CAT: variants seen among roughly 807,000 people sequenced by gnomAD.
The protein encoded by CAT is epididymis secretory sperm binding protein.
Under a neutral mutation model 59.0 loss-of-function variants are expected in CAT, and 43 were observed. That is an observed-to-expected ratio of 0.73 (90% CI 0.57 to 0.94). The LOEUF (loss-of-function observed/expected upper bound fraction) is 0.94, where lower values mean the gene tolerates loss of function less well. Ranked by LOEUF, CAT falls within the 40% of genes least tolerant of loss-of-function variation. CAT has a pLI of 0.00. For missense variants in CAT, 664 were observed against 682.9 expected (o/e 0.97, Z 0.31); for synonymous variants, 218 against 230.9 (o/e 0.94, Z 0.51).
chr11:34,471,090 G>C, intron 12 of CAT, 49 bp downstream of exon 12: 1 of 1,483,390 alleles, frequency 6.7e-7, no homozygotes, highest in Non-Finnish European at 9.4e-7. Flanking sequence ...TGCTGGGTTG[G>C]AGTAGGCATG....
chr11:34,447,002 C>G (rs895850543), intron 1 of CAT, among the ~76,000 whole-genome samples: 1 of 152,198 alleles, frequency 6.6e-6, no homozygotes, highest in African/African-American at 2.4e-5. Flanking sequence ...CTGCAGCCTC[C>G]CGAAGTGTTG....
rs1269907137 is a variant in CAT, at chr11:34,452,145, G to T, written c.418G>T (p.Asp140Tyr). The stretch of plus-strand genomic sequence containing the variant: ...GTTTGCAGTGAAATTTTACACAGAA[G>T]ATGGTAACTGGGATCTCGTTGGAAA... ...RGFAVKFYTE[D>Y]GNWDLVGNNT... Residue 140 changes from aspartate to tyrosine, a missense_variant, in exon 4 of 13, where the codon GAT becomes TAT. By Grantham distance (160) the Asp-to-Tyr change is radical. Transcript: ENST00000241052. The T allele has an allele frequency of 3.1e-6, 5 of 1,613,736 alleles. No individual in the cohort carries two copies. The highest frequency in any genetic ancestry group is 4.2e-6 in the Non-Finnish European group (5 of 1,179,690).
At chr11:34,450,638 T>C (rs1856513299) in intron 2 of CAT, among the ~76,000 whole-genome samples, 2 of 152,228 alleles carry the variant, frequency 1.3e-5, no homozygotes, top group African/African-American at 2.4e-5. Context: ...TCTTATGTTT[T>C]CATCTCCTCT....
In CAT at chr11:34,439,027, G is replaced by T; in HGVS notation, c.14G>T (p.Arg5Leu). ...AAACCGCACGCTATGGCTGACAGCC[G>T]GGATCCCGCCAGCGACCAGATGCAG... MADS[R>L]DPASDQMQHW... Residue 5 changes from arginine to leucine, a missense_variant, in exon 1 of 13, where the codon CGG becomes CTG. Physicochemically the swap from Arg to Leu is moderately radical, Grantham distance 102. Transcript: ENST00000241052. The T allele has an allele frequency of 6.3e-7, 1 of 1,595,956 alleles. No homozygotes were observed. Among genetic ancestry groups the T allele is most frequent in the East Asian group, 2.3e-5 (1 of 43,758 alleles).
chr11:34,455,450 C>T (rs760325148), intron 6 of CAT, among the ~76,000 whole-genome samples: 5 of 151,696 alleles, frequency 3.3e-5, no homozygotes, highest in Non-Finnish European at 5.9e-5. Flanking sequence ...TTAATTTTGC[C>T]TGCTCATAGT....
At chr11:34,449,848 T>C (rs1389883603) in intron 2 of CAT, among the ~76,000 whole-genome samples, 1 of 152,186 alleles carries the variant, frequency 6.6e-6, no homozygotes. Flanking sequence ...ATTAGTAAAA[T>C]AAGATAGTTA....
chr11:34,464,302 C>A, intron 10 of CAT, 67 bp downstream of exon 10: 1 of 1,460,238 alleles, frequency 6.8e-7, no homozygotes, highest in Non-Finnish European at 9.6e-7. Context: ...CCTGCATAAT[C>A]CCCCTCCCTG....
rs574257179 is a variant in CAT at position 34,464,395 on chromosome 11, T to A, written c.1326+160T>A. Among the ~76,000 whole-genome samples, 53 of 152,252 alleles carry A rather than the reference T, an allele frequency of 3.5e-4. No individual in the cohort carries two copies. The Middle Eastern group carries it at 0.01, about 29-fold the overall frequency. ...ATAGTAAATTGGGCCCCTTACTGGG[T>A]GGAGTTGAAGGGTTATATTACTCTG... On this transcript the variant is annotated intron_variant, in intron 10 of 12. Coordinates refer to ENST00000241052, the MANE Select transcript of CAT (RefSeq NM_001752.4).
At chr11:34,450,550 G>T (rs192118233) in intron 2 of CAT, among the ~76,000 whole-genome samples, 1 of 152,308 alleles carries the variant, frequency 6.6e-6, no homozygotes, top group East Asian at 1.9e-4. Context: ...AGTGGTTTGT[G>T]TGTATTTTTC....
intron 1 of CAT, among the ~76,000 whole-genome samples, chr11:34,440,441 C>A (rs909808518): frequency 6.6e-6 from 1 of 152,148 alleles, no homozygotes; most frequent in Non-Finnish European, 1.5e-5. Context: ...CTTTCCTTAC[C>A]CAGTGGGTGC....
chr11:34,443,459 G>A (rs1856414909), intron 1 of CAT, among the ~76,000 whole-genome samples: 1 of 152,162 alleles, frequency 6.6e-6, no homozygotes, highest in Admixed American at 6.5e-5. Flanking sequence ...GAGGGAGGTG[G>A]TTGTGCAGGT....
chr11:34,464,175 C>G lies in CAT; in HGVS notation c.1266C>G (p.Ser422Arg). Residue 422 changes from serine to arginine, a missense_variant, in exon 10 of 13, where the codon AGC becomes AGG. Coordinates refer to ENST00000241052, the MANE Select transcript of CAT (RefSeq NM_001752.4). ...PEQQPSALEH[S>R]IQYSGEVRRF... ...AACAGCCTTCTGCCCTGGAGCACAG[C>G]ATCCAATATTCTGGAGAAGTGCGGA... 6.2e-7 allele frequency: 1 copy of G among 1,613,630 alleles called. No individual in the cohort carries two copies. The highest frequency in any genetic ancestry group is 8.5e-7 in the Non-Finnish European group (1 of 1,179,520).
At position 34,464,209 on chromosome 11, in the gene CAT, A is replaced by T. The variant is rs770199564; in HGVS notation, c.1300A>T (p.Thr434Ser). Residue 434 changes from threonine (T) to serine (S), a missense_variant, in exon 10 of 13, where the codon ACT becomes TCT. Coordinates refer to ENST00000241052, the MANE Select transcript of CAT (RefSeq NM_001752.4). ...TTCTGGAGAAGTGCGGAGATTCAAC[A>T]CTGCCAATGATGATAACGTTACTCA... ...QYSGEVRRFN[T>S]ANDDNVTQVR... 6 of 1,614,040 alleles carry T rather than the reference A, an allele frequency of 3.7e-6. No individual in the cohort carries two copies. In the South Asian group the frequency reaches 6.6e-5, roughly 18 times the overall value.
chr11:34,463,822 G>A (rs954920202), intron 9 of CAT, among the ~76,000 whole-genome samples: 1 of 152,206 alleles, frequency 6.6e-6, no homozygotes, highest in Non-Finnish European at 1.5e-5. Flanking sequence ...AGACTTGATA[G>A]ATGAGACCCT....
chr11:34,441,802 AAAAT>A (rs771393839), intron 1 of CAT, among the ~76,000 whole-genome samples: 4 of 147,382 alleles, frequency 2.7e-5, no homozygotes, highest in East Asian at 1.9e-4. Context: ...TTAAAAATTA[AAAAT>A]AAATAAAGCT....
chr11:34,462,381 CCAA>C (rs1856661712), intron 9 of CAT, among the ~76,000 whole-genome samples: 1 of 151,892 alleles, frequency 6.6e-6, no homozygotes, highest in Admixed American at 6.6e-5. Context: ...CCATATAGTC[CCAA>C]CACCCAAAGG....
chr11:34,471,110 C>T, intron 12 of CAT, 69 bp downstream of exon 12: 1 of 1,300,218 alleles, frequency 7.7e-7, no homozygotes, highest in Non-Finnish European at 1.1e-6. Flanking sequence ...GACTTAGTTA[C>T]CACTTAGCAT....
chr11:34,439,827 ACACTCCAG>A (rs1040941564), intron 1 of CAT, among the ~76,000 whole-genome samples: 1 of 152,208 alleles, frequency 6.6e-6, no homozygotes, highest in African/African-American at 2.4e-5. Context: ...ACAGATGATT[ACACTCCAG>A]CGTGGTGAGG....
At chr11:34,454,255 A>C (rs371820742) in intron 6 of CAT, among the ~76,000 whole-genome samples, 2 of 152,224 alleles carry the variant, frequency 1.3e-5, no homozygotes, top group African/African-American at 4.8e-5. Context: ...ATCAATTACA[A>C]ATGTCAGAAA....
Sources: allele counts gnomAD v4.1 joint callset (sites outside exome capture counted in the v4.1 genomes callset), GRCh38; gene constraint gnomAD v4.1.1; transcripts MANE v1.5; gene names NCBI Gene and HGNC (gene_info 2026-07-23, HGNC 2026-07-21).